ZNF536: variants seen among roughly 807,000 people sequenced by gnomAD.
The protein encoded by ZNF536 is zinc finger protein 536.
ZNF536 carries 13 observed loss-of-function variants against 84.5 expected under a neutral mutation model. That is an observed-to-expected ratio of 0.15 (90% CI 0.10 to 0.24). ZNF536 has a LOEUF of 0.24. Among genes scored for constraint, ZNF536 ranks in the 10% least tolerant of loss-of-function variants. The pLI is 1.00. For missense variants in ZNF536, 1,536 were observed against 1,747.5 expected (o/e 0.88, Z 2.16); for synonymous variants, 811 against 742.5 (o/e 1.09, Z -1.50).
chr19:30,683,969 C>T (rs2051074393), intron 1 of ZNF536, among the ~76,000 whole-genome samples: 1 of 152,108 alleles, frequency 6.6e-6, no homozygotes, highest in African/African-American at 2.4e-5. Context: ...TTTTTTGATA[C>T]ATTAAGACAA....
intron 1 of ZNF536, among the ~76,000 whole-genome samples, chr19:30,263,575 A>C (rs1599942864): frequency 6.6e-6 from 1 of 152,148 alleles, no homozygotes; most frequent in African/African-American, 2.4e-5. Flanking sequence ...CTCATTCGCA[A>C]CTCGGCGACT....
chr19:30,420,666 T>C (rs1320922816), intron 1 of ZNF536, among the ~76,000 whole-genome samples: 1 of 151,956 alleles, frequency 6.6e-6, no homozygotes, highest in African/African-American at 2.4e-5. Flanking sequence ...TAAATTCTCT[T>C]TTTTTTTGCC....
At chr19:30,541,014 C>A (rs77114399) in intron 3 of ZNF536, among the ~76,000 whole-genome samples, 2,514 of 152,330 alleles carry the variant, frequency 0.017, 80 homozygotes, top group African/African-American at 0.057. Flanking sequence ...GGCGCTCTGA[C>A]CTCCTGGGAT....
chr19:30,452,397 T>G (rs868711898), intron 2 of ZNF536, among the ~76,000 whole-genome samples: 4 of 152,234 alleles, frequency 2.6e-5, no homozygotes, highest in Non-Finnish European at 2.9e-5. Context: ...ACTTTCTTCC[T>G]CTACATCTCA....
intron 2 of ZNF536, among the ~76,000 whole-genome samples, chr19:30,483,535 C>T (rs1007510056): frequency 3.7e-4 from 53 of 144,570 alleles, no homozygotes; most frequent in Non-Finnish European, 2.4e-4. Context: ...ATGGTCCAGG[C>T]GGTTCCTTCT....
intron 2 of ZNF536, among the ~76,000 whole-genome samples, chr19:30,483,756 C>G (rs146670767): frequency 1.3e-5 from 2 of 152,130 alleles, no homozygotes; most frequent in Non-Finnish European, 2.9e-5. Flanking sequence ...GATCATGTCA[C>G]TTCTCAGTTT....
At chr19:30,347,739 C>T (rs1367000880) in intron 2 of ZNF536, among the ~76,000 whole-genome samples, 3 of 152,176 alleles carry the variant, frequency 2.0e-5, no homozygotes, top group African/African-American at 4.8e-5. Flanking sequence ...CGAATCCTCC[C>T]CTCTTGAAGA....
At chr19:30,611,452 A>G (rs1301092063) in intron 1 of ZNF536, among the ~76,000 whole-genome samples, 1 of 152,240 alleles carries the variant, frequency 6.6e-6, no homozygotes, top group Non-Finnish European at 1.5e-5. Context: ...TGATAAAGAC[A>G]GAAATAAAAG....
chr19:30,575,116 G>C (rs1006676651), intron 1 of ZNF536, among the ~76,000 whole-genome samples: 1 of 152,024 alleles, frequency 6.6e-6, no homozygotes, highest in Non-Finnish European at 1.5e-5. Context: ...CTCTGCAGCA[G>C]AATTTATCCA....
downstream of ZNF536, among the ~76,000 whole-genome samples, chr19:30,560,607 G>T (rs1568555434): frequency 1.3e-5 from 2 of 152,212 alleles, no homozygotes; most frequent in Non-Finnish European, 2.9e-5. Context: ...TGTATATGGA[G>T]CAGAGTTCCA....
intron 1 of ZNF536, among the ~76,000 whole-genome samples, chr19:30,253,031 G>A (rs2145116743): frequency 6.6e-6 from 1 of 152,274 alleles, no homozygotes; most frequent in African/African-American, 2.4e-5. Flanking sequence ...GAAAAGATTT[G>A]GAATCAGTTT....
chr19:30,236,817 G>C (rs932560177), intron 1 of ZNF536, among the ~76,000 whole-genome samples: 2 of 152,154 alleles, frequency 1.3e-5, no homozygotes, highest in African/African-American at 4.8e-5. Flanking sequence ...GTCCTTTGGA[G>C]GGGGGTGGTA....
At chr19:30,422,043 GA>G (rs1432061766) in intron 1 of ZNF536, among the ~76,000 whole-genome samples, 2 of 152,112 alleles carry the variant, frequency 1.3e-5, no homozygotes, top group African/African-American at 4.8e-5. Context: ...AAAAACATGG[GA>G]AAAAATGTGA....
intron 1 of ZNF536, among the ~76,000 whole-genome samples, chr19:30,589,721 G>A (rs2047213678): frequency 6.6e-6 from 1 of 152,156 alleles, no homozygotes; most frequent in African/African-American, 2.4e-5. Context: ...TCCACCCAGT[G>A]GAGCAGCAAG....
chr19:30,294,191 T>G (rs924884954), intron 2 of ZNF536, among the ~76,000 whole-genome samples: 5 of 152,156 alleles, frequency 3.3e-5, no homozygotes, highest in African/African-American at 1.2e-4. Flanking sequence ...ACAGAGGAGC[T>G]TGCTGCCCAG....
Position 30,405,604 on chromosome 19 carries a change from C to T in ZNF536, c.-3+33048C>T, listed in dbSNP as rs1005057411. Among the ~76,000 whole-genome samples, 11 of 152,066 alleles carry T rather than the reference C, an allele frequency of 7.2e-5. No individual in the cohort carries two copies. In the South Asian group the frequency reaches 8.3e-4, roughly 11 times the overall value. The stretch of plus-strand genomic sequence containing the variant: ...CCAAACCATTTAAGACTGCACTTCT[C>T]CCTTGCCTCTTGATACTGTTTATGG... On this transcript the variant is annotated intron_variant, in intron 1 of 4. Coordinates refer to ENST00000355537, the MANE Select transcript of ZNF536 (RefSeq NM_014717.3).
At chr19:30,652,708 C>T (rs2049754773) in intron 1 of ZNF536, among the ~76,000 whole-genome samples, 1 of 152,170 alleles carries the variant, frequency 6.6e-6, no homozygotes. Flanking sequence ...TAGCATGCAA[C>T]TTCTAGTTTC....
intron 1 of ZNF536, among the ~76,000 whole-genome samples, chr19:30,648,682 G>A (rs2049572337): frequency 6.6e-6 from 1 of 152,188 alleles, no homozygotes; most frequent in Non-Finnish European, 1.5e-5. Flanking sequence ...ACATAGAAGT[G>A]CGTGAAATTT....
At chr19:30,292,427 G>A (rs2045872842) in intron 2 of ZNF536, among the ~76,000 whole-genome samples, 1 of 150,678 alleles carries the variant, frequency 6.6e-6, no homozygotes, top group Non-Finnish European at 1.5e-5. Context: ...TTGACTTCCT[G>A]GGCCCAAGCC....
Sources: allele counts gnomAD v4.1 joint callset (sites outside exome capture counted in the v4.1 genomes callset), GRCh38; gene constraint gnomAD v4.1.1; transcripts MANE v1.5; gene names NCBI Gene and HGNC (gene_info 2026-07-23, HGNC 2026-07-21).